NEB: variants seen among roughly 807,000 people sequenced by gnomAD.
The protein encoded by NEB is nebulin, also known as nemaline myopathy type 2.
Under a neutral mutation model 952.2 loss-of-function variants are expected in NEB, and 512 were observed. That is an observed-to-expected ratio of 0.54 (90% CI 0.50 to 0.58). The LOEUF is 0.58. Among genes scored for constraint, NEB ranks in the 20% least tolerant of loss-of-function variants. NEB has a pLI of 0.00. For synonymous variants in NEB, 2,900 were observed against 3,149.8 expected (o/e 0.92, Z 2.66); for missense variants, 8,428 against 9,231.1 (o/e 0.91, Z 3.56).
At chr2:151,620,680 G>A (rs559888560) in intron 72 of NEB, among the ~76,000 whole-genome samples, 5 of 151,932 alleles carry the variant, frequency 3.3e-5, no homozygotes, top group African/African-American at 7.3e-5. Context: ...AGCTTTAATC[G>A]AGGCACTCAC....
chr2:151,572,686 C>G (rs1399410490), intron 107 of NEB, among the ~76,000 whole-genome samples: 1 of 150,420 alleles, frequency 6.6e-6, no homozygotes, highest in African/African-American at 2.4e-5. Flanking sequence ...GCTGGGATTA[C>G]AGGTGAGCCA....
chr2:151,704,748 C>T (rs895632130), intron 13 of NEB, among the ~76,000 whole-genome samples: 6 of 152,186 alleles, frequency 3.9e-5, no homozygotes, highest in East Asian at 1.9e-4. Flanking sequence ...CACTGACCTG[C>T]GCCCACTGTC....
chr2:151,644,432 C>A (rs1327000533), intron 56 of NEB, 36 bp downstream of exon 56: 1 of 1,536,870 alleles, frequency 6.5e-7, no homozygotes, highest in Non-Finnish European at 9.0e-7. Flanking sequence ...TGATAAATTG[C>A]AATCAAATCA....
At chr2:151,503,262 TA>T in intron 166 of NEB, 86 bp downstream of exon 166, 1 of 976,466 alleles carries the variant, frequency 1.0e-6, no homozygotes, top group South Asian at 1.4e-5. Context: ...GAATTGCTGT[TA>T]AGATGTTACT....
In NEB at chr2:151,627,812, C is replaced by T. The variant is rs376932516; in HGVS notation, c.9854G>A (p.Arg3285His). The T allele has an allele frequency of 3.2e-5, 52 of 1,613,592 alleles. No homozygotes were observed. The Middle Eastern group carries it at 4.9e-4, about 15-fold the overall frequency. Residue 3285 changes from arginine to histidine, a missense_variant, in exon 69 of 182, where the codon CGC becomes CAC. Arg to His is a conservative substitution (Grantham distance 29, BLOSUM62 0). Around this residue, in one of 11 missense-constraint regions of NEB, gnomAD observed 1,772 missense variants for 1,960.3 expected, o/e 0.90. Coordinates refer to ENST00000397345, the MANE Select transcript of NEB (RefSeq NM_001164508.2). ...TCCAATGTGGTGGCCGAGCTGCTTG[C>T]GGTAACCATCTTTGTATTTGTACTG... ...ISDYKYKDGY[R>H]KQLGHHIGAR...
intron 73 of NEB, 105 bp from the exon 74 acceptor site, chr2:151,618,583 A>C: frequency 1.8e-6 from 2 of 1,119,784 alleles, no homozygotes; most frequent in African/African-American, 1.6e-5. Flanking sequence ...TGAATAGTTA[A>C]GGTTCCTAGC....
chr2:151,549,729 T>C lies in NEB; in HGVS notation c.19956A>G (p.Lys6652=). 6.3e-7 allele frequency: 1 copy of C among 1,579,860 alleles called. No individual in the cohort carries two copies. Among genetic ancestry groups the C allele is most frequent in the Non-Finnish European group, 8.6e-7 (1 of 1,160,746 alleles). ...CAGTGGGCAGGGTGCGCAGGCTGGTTTTGTATAGATTCTGCAGGAATGAGG... is the reference window on the plus strand; with the variant it reads ...CAGTGGGCAGGGTGCGCAGGCTGGTCTTGTATAGATTCTGCAGGAATGAGG... The part of the protein sequence containing the change: ...AYKLQSSNLY[K]TSLRTLPTGY... Residue 6652 remains lysine (K), a synonymous_variant, in exon 130 of 182, where the codon AAA becomes AAG. Coordinates refer to ENST00000397345, the MANE Select transcript of NEB (RefSeq NM_001164508.2).
intron 114 of NEB, among the ~76,000 whole-genome samples, 170 bp downstream of exon 114, chr2:151,566,998 C>T (rs1202006038): frequency 6.6e-6 from 1 of 152,178 alleles, no homozygotes; most frequent in Non-Finnish European, 1.5e-5. Context: ...GCAAACCAAT[C>T]AATCCATCAC....
chr2:151,636,545 A>C (rs1574644780), intron 63 of NEB, among the ~76,000 whole-genome samples: 1 of 152,062 alleles, frequency 6.6e-6, no homozygotes, highest in African/African-American at 2.4e-5. Flanking sequence ...TTTGGGAGGC[A>C]GAGGCGGGTG....
At chr2:151,660,650 T>G (rs1558945011) in intron 46 of NEB, among the ~76,000 whole-genome samples, 1 of 152,174 alleles carries the variant, frequency 6.6e-6, no homozygotes, top group Admixed American at 6.5e-5. Context: ...TTCCTTAAAT[T>G]TCAGGCTTTG....
Position 151,518,392 on chromosome 2 carries a change from T to TAC in NEB, c.22724_22725dup (p.Lys7576ValfsTer17). 6.2e-7 allele frequency: 1 copy of TAC among 1,611,338 alleles called. No homozygotes were observed. ...TCGGGTATGGTGTGGTAGTGGCCTT[T>TAC]ACTCTTCTCATACTTCTTCTTGTAC... is the stretch of plus-strand genomic sequence containing the variant. On this transcript the variant is annotated frameshift_variant, in exon 156 of 182. Transcript: ENST00000397345. LOFTEE classifies it high-confidence loss of function.
chr2:151,688,469 A>T, intron 24 of NEB, 73 bp from the exon 25 acceptor site: 1 of 1,133,854 alleles, frequency 8.8e-7, no homozygotes, highest in East Asian at 2.4e-5. Context: ...TATATAGCTA[A>T]GGCATTAGTG....
chr2:151,675,652 T>C (rs1421281601), intron 34 of NEB, among the ~76,000 whole-genome samples: 3 of 152,184 alleles, frequency 2.0e-5, no homozygotes, highest in Non-Finnish European at 2.9e-5. Context: ...AATTCAACCA[T>C]GAAACCCTAG....
At chr2:151,673,538 C>T (rs2099325842) in intron 36 of NEB, among the ~76,000 whole-genome samples, 2 of 151,790 alleles carry the variant, frequency 1.3e-5, no homozygotes, top group African/African-American at 4.8e-5. Flanking sequence ...TGTGTGCAGA[C>T]CTCCGAGGAA....
At position 151,492,029 on chromosome 2, in the gene NEB, T is replaced by A. The variant is rs1044771483; in HGVS notation, c.25057+69A>T. 9 of 1,478,580 alleles carry A rather than the reference T, an allele frequency of 6.1e-6. No homozygotes were observed. The South Asian group carries it at 1.1e-4, about 18-fold the overall frequency. 91.6% of individuals were successfully genotyped at this position (1,478,580 alleles called of 1,614,324 possible). On this transcript the variant is annotated intron_variant, in intron 178 of 181. Coordinates refer to ENST00000397345, the MANE Select transcript of NEB (RefSeq NM_001164508.2). ...CCTTTATGTTTTGACTTGATGTAGG[T>A]AATGCTACTTTTGTTCTTCTACCCC...
intron 24 of NEB, chr2:151,689,830 A>C (rs1047116320): frequency 6.6e-6 from 1 of 152,206 alleles, no homozygotes; most frequent in Non-Finnish European, 1.5e-5. Flanking sequence ...GATGCTCAGA[A>C]AAGTGGCACA....
At chr2:151,707,994 CTCTCCCCCT>C (rs2099722166) in intron 12 of NEB, among the ~76,000 whole-genome samples, 1 of 152,158 alleles carries the variant, frequency 6.6e-6, no homozygotes, top group Admixed American at 6.5e-5. Flanking sequence ...ACAAACTTTA[CTCTCCCCCT>C]ACCCGCATCT....
Position 151,692,050 on chromosome 2 carries a change from C to T in NEB, c.2106+9G>A, listed in dbSNP as rs1208722277. 3 of 1,612,994 alleles carry T rather than the reference C, an allele frequency of 1.9e-6. No homozygotes were observed. The Admixed American group carries it at 5.0e-5, about 27-fold the overall frequency. On this transcript the variant is annotated intron_variant, in intron 22 of 181. Transcript: ENST00000397345. Reference sequence around the variant, plus strand: ...ACTGTGAGGCATGAACCATTGTCTTCAAACTTACATCACTGTTTTGAGCTG... The same window carrying T: ...ACTGTGAGGCATGAACCATTGTCTTTAAACTTACATCACTGTTTTGAGCTG...
In NEB at chr2:151,516,535, TC is replaced by T; in HGVS notation, c.22828del (p.Glu7610AsnfsTer42). On this transcript the variant is annotated frameshift_variant, in exon 157 of 182. Transcript: ENST00000397345. LOFTEE classifies it high-confidence loss of function. ...IVKYKEKYEK[E>X]RGKPMLDFET... Reference sequence around the variant, plus strand: ...AAAGTCCAGCATGGGTTTTCCTCGTTCCTTTTCATACTTTTCTTTGTATTTC... The same window carrying T: ...AAAGTCCAGCATGGGTTTTCCTCGTTCTTTTCATACTTTTCTTTGTATTTC... 1 of 1,612,408 alleles carries T rather than the reference TC, an allele frequency of 6.2e-7. No individual in the cohort carries two copies. Among genetic ancestry groups the T allele is most frequent in the Non-Finnish European group, 8.5e-7 (1 of 1,178,740 alleles).
Sources: gnomAD v4.1 joint callset for allele counts (sites outside exome capture counted in the v4.1 genomes callset) on GRCh38, gnomAD v4.1.1 for gene constraint, gnomAD v4.1.1 regional missense constraint, MANE v1.5 for transcripts, NCBI Gene and HGNC (gene_info 2026-07-23, HGNC 2026-07-21) for gene names.